The following SORCS1 variants were observed in gnomAD, a reference collection of about 807,000 sequenced individuals.
SORCS1 encodes VPS10 domain-containing receptor SorCS1.
A neutral mutation model predicts 146.1 loss-of-function variants in SORCS1; 60 were observed. The observed-to-expected ratio is 0.41, with a 90% CI of 0.33 to 0.51. The LOEUF is 0.51. SORCS1 is among the 20% of genes least tolerant of loss of function. The pLI is 0.21. For synonymous variants in SORCS1, 637 were observed against 584.0 expected, an observed-to-expected ratio of 1.09 and a Z score of -1.31; for missense variants, 1,352 against 1,487.6, an observed-to-expected ratio of 0.91 and a Z score of 1.50.
intron 16 of SORCS1, among the ~76,000 whole-genome samples, chr10:106,670,140 C>T (rs929210925): frequency 1.3e-5 from 2 of 151,952 alleles, no homozygotes; most frequent in Admixed American, 6.6e-5. Flanking sequence ...TACATGAAAA[C>T]CAAAAAGAAG....
chr10:107,044,766 G>A (rs1176254452), intron 1 of SORCS1, among the ~76,000 whole-genome samples: 4 of 148,084 alleles, frequency 2.7e-5, no homozygotes, highest in Non-Finnish European at 4.5e-5. Flanking sequence ...GAGCCAAGAT[G>A]GCGCCATTGC....
chr10:107,006,168 C>T (rs998273198), intron 1 of SORCS1, among the ~76,000 whole-genome samples: 2 of 152,220 alleles, frequency 1.3e-5, no homozygotes, highest in Admixed American at 6.5e-5. Flanking sequence ...CTTAATATAC[C>T]ATAAACCCTA....
chr10:106,906,296 G>A (rs551774793), intron 2 of SORCS1, among the ~76,000 whole-genome samples: 5 of 152,122 alleles, frequency 3.3e-5, no homozygotes, highest in East Asian at 3.9e-4. Context: ...TGTATTTTTC[G>A]AAGAGACAGG....
chr10:107,017,863 A>C (rs1453980600), intron 1 of SORCS1, among the ~76,000 whole-genome samples: 2 of 151,930 alleles, frequency 1.3e-5, no homozygotes, highest in African/African-American at 4.8e-5. Context: ...ATGGTGTTTC[A>C]CCATGTTAGT....
intron 23 of SORCS1, among the ~76,000 whole-genome samples, chr10:106,605,431 A>G (rs1449802001): frequency 6.6e-6 from 1 of 152,332 alleles, no homozygotes; most frequent in African/African-American, 2.4e-5. Flanking sequence ...TAACTAGGAA[A>G]AAAAGGTGAC....
intron 1 of SORCS1, among the ~76,000 whole-genome samples, chr10:107,151,105 T>G (rs1216754491): frequency 6.6e-6 from 1 of 152,068 alleles, no homozygotes; most frequent in African/African-American, 2.4e-5. Flanking sequence ...AGGAGGATGT[T>G]AGAAAGTCTG....
chr10:106,873,313 CAAAA>C (rs72466113), intron 2 of SORCS1, among the ~76,000 whole-genome samples: 1 of 129,904 alleles, frequency 7.7e-6, no homozygotes, highest in African/African-American at 2.8e-5. Flanking sequence ...AACTCGGTCT[CAAAA>C]AAAAAAAAAA....
intron 3 of SORCS1, among the ~76,000 whole-genome samples, chr10:106,785,389 A>C (rs1392258588): frequency 6.6e-6 from 1 of 152,182 alleles, no homozygotes; most frequent in African/African-American, 2.4e-5. Context: ...AAGTGGGCAT[A>C]TAAGCTTTTA....
chr10:106,693,275 T>C (rs1853436819), intron 9 of SORCS1, among the ~76,000 whole-genome samples: 1 of 152,200 alleles, frequency 6.6e-6, no homozygotes, highest in African/African-American at 2.4e-5. Context: ...ATTATCCTTA[T>C]TTTACAGAAG....
intron 5 of SORCS1, among the ~76,000 whole-genome samples, chr10:106,744,971 G>C (rs1339774023): frequency 6.6e-6 from 1 of 152,070 alleles, no homozygotes; most frequent in Admixed American, 6.6e-5. Flanking sequence ...CTCCATTCCA[G>C]GTCAGACTCT....
chr10:107,145,346 G>A (rs920902841), intron 1 of SORCS1, among the ~76,000 whole-genome samples: 2 of 152,172 alleles, frequency 1.3e-5, no homozygotes, highest in Non-Finnish European at 2.9e-5. Context: ...AGCAACTTCT[G>A]GGAAGGAAAC....
intron 1 of SORCS1, among the ~76,000 whole-genome samples, chr10:107,084,511 A>G (rs545766640): frequency 5.3e-5 from 8 of 152,138 alleles, no homozygotes; most frequent in Non-Finnish European, 8.8e-5. Context: ...TTGTGTATGT[A>G]TATGTATGGG....
intron 2 of SORCS1, among the ~76,000 whole-genome samples, chr10:106,902,319 C>T (rs1951740520): frequency 6.6e-6 from 1 of 152,010 alleles, no homozygotes; most frequent in Non-Finnish European, 1.5e-5. Flanking sequence ...ACAACTCACA[C>T]CCATATATAC....
intron 3 of SORCS1, among the ~76,000 whole-genome samples, chr10:106,819,785 G>T (rs930097712): frequency 1.3e-5 from 2 of 152,008 alleles, no homozygotes; most frequent in Non-Finnish European, 2.9e-5. Flanking sequence ...GAAAGATAAG[G>T]GTAAATTGTA....
At chr10:106,760,740 C>T (rs1477198273) in intron 5 of SORCS1, among the ~76,000 whole-genome samples, 2 of 151,286 alleles carry the variant, frequency 1.3e-5, no homozygotes, top group East Asian at 2.0e-4. Flanking sequence ...CACACACGCA[C>T]ATTTGGCAAT....
intron 2 of SORCS1, among the ~76,000 whole-genome samples, chr10:106,906,902 A>G (rs1171530643): frequency 6.6e-6 from 1 of 152,244 alleles, no homozygotes; most frequent in Non-Finnish European, 1.5e-5. Context: ...GAAATGTGCC[A>G]TGGACTAAGT....
Position 107,118,485 on chromosome 10 carries a change from C to T in SORCS1, c.558+45484G>A, listed in dbSNP as rs543180715. Among the ~76,000 whole-genome samples, 8 of 152,284 alleles carry T rather than the reference C, an allele frequency of 5.3e-5. No individual in the cohort carries two copies. The East Asian group carries it at 1.5e-3, about 29-fold the overall frequency. ...ATGCATATGCCCATGACACATTTAT[C>T]CTTGGGCTTTATTTTTTTCCTCCAC... On this transcript the variant is annotated intron_variant, in intron 1 of 25. Coordinates refer to ENST00000263054, the MANE Select transcript of SORCS1 (RefSeq NM_052918.5).
At chr10:107,108,678 A>G (rs954640212) in intron 1 of SORCS1, among the ~76,000 whole-genome samples, 2 of 152,088 alleles carry the variant, frequency 1.3e-5, no homozygotes, top group African/African-American at 2.4e-5. Context: ...TGTCCTTCTC[A>G]TATTGCAAAA....
intron 1 of SORCS1, among the ~76,000 whole-genome samples, chr10:107,145,736 T>C (rs1374192923): frequency 1.3e-5 from 2 of 152,178 alleles, no homozygotes; most frequent in Non-Finnish European, 2.9e-5. Context: ...TAGGGTGAAA[T>C]ACAGCAAGTT....
Sources: allele counts gnomAD v4.1 joint callset (sites outside exome capture counted in the v4.1 genomes callset), GRCh38; gene constraint gnomAD v4.1.1; transcripts MANE v1.5; gene names NCBI Gene and HGNC (gene_info 2026-07-23, HGNC 2026-07-21).